The following VIRMA variants were observed in gnomAD, a reference collection of about 807,000 sequenced individuals.
VIRMA encodes protein virilizer homolog.
Under a neutral mutation model 182.4 loss-of-function variants are expected in VIRMA, and 65 were observed. That is an observed-to-expected ratio of 0.36 (90% CI 0.29 to 0.44). VIRMA has a LOEUF of 0.44. Ranked by LOEUF, VIRMA falls within the 20% of genes least tolerant of loss-of-function variation. The pLI is 1.00. For missense variants in VIRMA, 1,752 were observed against 2,158.1 expected, an observed-to-expected ratio of 0.81 and a Z score of 3.73; for synonymous variants, 709 against 743.1, an observed-to-expected ratio of 0.95 and a Z score of 0.75.
At chr8:94,525,853 G>C (rs966882016) in intron 8 of VIRMA, among the ~76,000 whole-genome samples, 1 of 152,154 alleles carries the variant, frequency 6.6e-6, no homozygotes, top group Non-Finnish European at 1.5e-5. Flanking sequence ...AATGTATTAA[G>C]AGTAGTAAGT....
chr8:94,524,880 G>A (rs1011427981), intron 8 of VIRMA, among the ~76,000 whole-genome samples: 2 of 152,158 alleles, frequency 1.3e-5, no homozygotes. Context: ...ACCATTCACT[G>A]GTTCCTAAAA....
At chr8:94,515,424 T>G (rs113191649) in intron 10 of VIRMA, among the ~76,000 whole-genome samples, 22,403 of 152,006 alleles carry the variant, frequency 0.15, 2,066 homozygotes, top group South Asian at 0.3. Flanking sequence ...CAGGCTGAAG[T>G]GCAACAGTGT....
At chr8:94,502,791 G>T (rs900778253) in intron 16 of VIRMA, among the ~76,000 whole-genome samples, 3 of 151,902 alleles carry the variant, frequency 2.0e-5, no homozygotes, top group Non-Finnish European at 4.4e-5. Context: ...TTTTAAGTCA[G>T]AGCTATGTAA....
At chr8:94,506,362 A>G in intron 16 of VIRMA, 138 bp downstream of exon 16, 1 of 594,278 alleles carries the variant, frequency 1.7e-6, no homozygotes, top group Non-Finnish European at 2.9e-6. Flanking sequence ...AATCTTTTCC[A>G]TACACACAAA....
In VIRMA at chr8:94,526,240, T is replaced by C. The variant is rs2890827; in HGVS notation, c.2004A>G (p.Pro668=). 0.31 allele frequency: 502,774 copies of C among 1,608,420 alleles called. 81,067 individuals carry two copies. The highest frequency in any genetic ancestry group is 0.45 in the South Asian group (41,125 of 90,448). Residue 668 remains proline (P), a synonymous_variant, in exon 8 of 24, where the codon CCA becomes CCG. Coordinates refer to ENST00000297591, the MANE Select transcript of VIRMA (RefSeq NM_015496.5). ...TGTCTTACCTAAAGAGAACAGGGTA[T>C]GGATCATCCCTCTCTGGAGGTCCAG... The part of the protein sequence containing the change: ...RITGPPERDD[P]YPVLFRYLHS...
intron 4 of VIRMA, among the ~76,000 whole-genome samples, chr8:94,536,111 G>A (rs530865755): frequency 4.6e-5 from 7 of 152,232 alleles, no homozygotes; most frequent in East Asian, 3.9e-4. Flanking sequence ...AAGTGTTACC[G>A]GGGCCCCTTC....
intron 1 of VIRMA, among the ~76,000 whole-genome samples, chr8:94,544,477 G>A (rs560496772): frequency 4.0e-5 from 6 of 151,802 alleles, no homozygotes; most frequent in South Asian, 2.1e-4. Flanking sequence ...TTGAGACCCC[G>A]GTGAAACCCC....
chr8:94,542,414 A>G (rs932896532), intron 2 of VIRMA, among the ~76,000 whole-genome samples: 2 of 152,192 alleles, frequency 1.3e-5, no homozygotes, highest in African/African-American at 2.4e-5. Flanking sequence ...GCCCCAGTGT[A>G]TATCTTGACT....
chr8:94,488,973 G>T, intron 23 of VIRMA, 113 bp from the exon 24 acceptor site: 2 of 1,214,886 alleles, frequency 1.6e-6, no homozygotes, highest in Non-Finnish European at 1.1e-6. Context: ...CTCTTTTAAA[G>T]CTCACGTGCA....
intron 10 of VIRMA, among the ~76,000 whole-genome samples, chr8:94,516,033 G>A (rs967817897): frequency 6.6e-5 from 10 of 150,786 alleles, no homozygotes; most frequent in East Asian, 3.9e-4. Context: ...ACTTGAACCC[G>A]GGAGGAGGAA....
intron 1 of VIRMA, among the ~76,000 whole-genome samples, chr8:94,553,028 A>G (rs1401793971): frequency 6.6e-6 from 1 of 152,178 alleles, no homozygotes; most frequent in African/African-American, 2.4e-5. Context: ...CTCCGGCACT[A>G]CTGTCAAACA....
intron 8 of VIRMA, among the ~76,000 whole-genome samples, chr8:94,523,982 G>GTC (rs1814864867): frequency 6.8e-6 from 1 of 146,352 alleles, no homozygotes; most frequent in Admixed American, 6.8e-5. Flanking sequence ...GTCTGTGTGT[G>GTC]TGTGTGTTTT....
At chr8:94,514,323 T>C (rs1373459618) in intron 11 of VIRMA, among the ~76,000 whole-genome samples, 3 of 152,234 alleles carry the variant, frequency 2.0e-5, no homozygotes, top group Non-Finnish European at 2.9e-5. Context: ...ATTTTTTTCA[T>C]TATGAATTAT....
intron 20 of VIRMA, 32 bp downstream of exon 20, chr8:94,494,828 C>T (rs376923485): frequency 1.2e-5 from 14 of 1,207,384 alleles, no homozygotes; most frequent in African/African-American, 3.1e-5. Context: ...AAAACAATAA[C>T]GTTTTTCTAA....
At chr8:94,536,411 G>A (rs1447102539) in intron 4 of VIRMA, among the ~76,000 whole-genome samples, 1 of 152,122 alleles carries the variant, frequency 6.6e-6, no homozygotes, top group African/African-American at 2.4e-5. Context: ...CATGGCATCT[G>A]GCATATCAAG....
At chr8:94,547,117 T>C (rs1815798706) in intron 1 of VIRMA, 1 of 422,356 alleles carries the variant, frequency 2.4e-6, no homozygotes, top group African/African-American at 2.1e-5. Context: ...TGAATTGTAA[T>C]TGCCTCTTAT....
chr8:94,535,670 A>T (rs2130371664), intron 4 of VIRMA, among the ~76,000 whole-genome samples: 1 of 152,016 alleles, frequency 6.6e-6, no homozygotes, highest in Admixed American at 6.6e-5. Flanking sequence ...AATCCCAGAT[A>T]CTCAGGAGAC....
At chr8:94,539,113 C>A (rs547248094) in intron 2 of VIRMA, among the ~76,000 whole-genome samples, 10 of 149,894 alleles carry the variant, frequency 6.7e-5, no homozygotes, top group African/African-American at 2.5e-4. Flanking sequence ...CACTATGTTG[C>A]CCAGGCTGGT....
intron 17 of VIRMA, 30 bp downstream of exon 17, chr8:94,499,344 A>T: frequency 6.8e-7 from 1 of 1,460,136 alleles, no homozygotes. Context: ...ACATACATAT[A>T]TACACAAACA....
Sources: allele counts gnomAD v4.1 joint callset (sites outside exome capture counted in the v4.1 genomes callset), GRCh38; gene constraint gnomAD v4.1.1; transcripts MANE v1.5; gene names NCBI Gene and HGNC (gene_info 2026-07-23, HGNC 2026-07-21).